The following PRSS12 variants were observed in gnomAD, a reference collection of about 807,000 sequenced individuals.
PRSS12 encodes serine protease 12.
A neutral mutation model predicts 104.4 loss-of-function variants in PRSS12; 85 were observed. The observed-to-expected ratio is 0.81, with a 90% CI of 0.68 to 0.98. The LOEUF is 0.98. PRSS12 is among the 50% of genes least tolerant of loss of function. The pLI is 0.00. For synonymous variants in PRSS12, 454 were observed against 425.2 expected, an observed-to-expected ratio of 1.07 and a Z score of -0.83; for missense variants, 1,141 against 1,139.2, an observed-to-expected ratio of 1.00 and a Z score of -0.02.
intron 3 of PRSS12, among the ~76,000 whole-genome samples, chr4:118,334,381 G>T (rs1035941759): frequency 6.6e-6 from 1 of 151,890 alleles, no homozygotes. Context: ...TATCAATCAG[G>T]TTGAGCATAG....
At chr4:118,295,265 G>A (rs1743229398) in intron 10 of PRSS12, among the ~76,000 whole-genome samples, 1 of 152,142 alleles carries the variant, frequency 6.6e-6, no homozygotes, top group African/African-American at 2.4e-5. Context: ...CAACTCTAAA[G>A]ATTTGCTTAT....
At chr4:118,341,799 T>A (rs748601471) in intron 1 of PRSS12, among the ~76,000 whole-genome samples, 4 of 152,172 alleles carry the variant, frequency 2.6e-5, no homozygotes, top group Admixed American at 6.5e-5. Flanking sequence ...ATCAACTATC[T>A]CCTAGTTCCC....
At chr4:118,352,155 G>A in intron 1 of PRSS12, 64 bp downstream of exon 1, 4 of 1,596,084 alleles carry the variant, frequency 2.5e-6, no homozygotes, top group South Asian at 1.1e-5. Context: ...CCTGTACGCC[G>A]GCCCCAAGCC....
At chr4:118,343,908 A>T (rs1463866375) in intron 1 of PRSS12, among the ~76,000 whole-genome samples, 1 of 152,358 alleles carries the variant, frequency 6.6e-6, no homozygotes, top group Admixed American at 6.5e-5. Flanking sequence ...AAATATTTTT[A>T]AAATCTTTTT....
intron 11 of PRSS12, among the ~76,000 whole-genome samples, chr4:118,289,271 C>T (rs113910092): frequency 0.021 from 3,209 of 152,232 alleles, 43 homozygotes; most frequent in South Asian, 0.034. Flanking sequence ...ATGGTAATAA[C>T]GATCTATGCC....
At chr4:118,299,765 T>A (rs200986257) in intron 8 of PRSS12, among the ~76,000 whole-genome samples, 6,573 of 76,774 alleles carry the variant, frequency 0.086, 517 homozygotes, top group African/African-American at 0.19. Context: ...TAAATAAAAT[T>A]AAATAAAATA....
At chr4:118,347,873 A>T (rs1724397348) in intron 1 of PRSS12, among the ~76,000 whole-genome samples, 1 of 152,178 alleles carries the variant, frequency 6.6e-6, no homozygotes, top group South Asian at 2.1e-4. Flanking sequence ...TGTTGGGGGA[A>T]ATCAGTTGCC....
chr4:118,335,709 A>C, intron 2 of PRSS12, 58 bp from the exon 3 acceptor site: 1 of 1,505,318 alleles, frequency 6.6e-7, no homozygotes, highest in Non-Finnish European at 9.2e-7. Context: ...TTTTTATCAA[A>C]ACATTTGGAT....
At chr4:118,320,064 T>C (rs1560777332) in intron 4 of PRSS12, among the ~76,000 whole-genome samples, 1 of 152,240 alleles carries the variant, frequency 6.6e-6, no homozygotes, top group Non-Finnish European at 1.5e-5. Context: ...CAATAGCATA[T>C]TCTTAGAACC....
At chr4:118,300,017 C>CT (rs558755369) in intron 8 of PRSS12, among the ~76,000 whole-genome samples, 4,974 of 142,758 alleles carry the variant, frequency 0.035, 246 homozygotes, top group African/African-American at 0.12. Context: ...TATTTATTTA[C>CT]TTTTTTTTTT....
At chr4:118,303,434 A>G (rs1743450798) in intron 8 of PRSS12, 1 of 152,186 alleles carries the variant, frequency 6.6e-6, no homozygotes, top group African/African-American at 2.4e-5. Context: ...ATAAGTAGAA[A>G]TTAGAGAACA....
intron 7 of PRSS12, among the ~76,000 whole-genome samples, chr4:118,311,401 A>C (rs1435281025): frequency 1.3e-5 from 2 of 152,190 alleles, no homozygotes; most frequent in Non-Finnish European, 2.9e-5. Context: ...AATAGCTGAA[A>C]ACAGCAGTAG....
intron 6 of PRSS12, among the ~76,000 whole-genome samples, chr4:118,314,419 G>A (rs1334440742): frequency 6.6e-6 from 1 of 151,902 alleles, no homozygotes; most frequent in East Asian, 1.9e-4. Context: ...CTATTTTGCT[G>A]ACTAATCAAC....
intron 7 of PRSS12, among the ~76,000 whole-genome samples, chr4:118,309,512 T>G (rs1743650349): frequency 6.6e-6 from 1 of 152,166 alleles, no homozygotes; most frequent in South Asian, 2.1e-4. Context: ...CACAGTTCTT[T>G]CTGAAGGAAC....
chr4:118,312,387 C>G (rs1743762585), intron 7 of PRSS12, among the ~76,000 whole-genome samples: 1 of 152,032 alleles, frequency 6.6e-6, no homozygotes, highest in Middle Eastern at 3.2e-3. Flanking sequence ...CACACACATA[C>G]ACATACACAC....
chr4:118,290,609 A>G (rs558865642), intron 11 of PRSS12, among the ~76,000 whole-genome samples: 1 of 152,190 alleles, frequency 6.6e-6, no homozygotes, highest in Non-Finnish European at 1.5e-5. Flanking sequence ...ATACTTTGAC[A>G]TACTTTGCAG....
intron 8 of PRSS12, among the ~76,000 whole-genome samples, chr4:118,301,468 A>G (rs2126029948): frequency 6.6e-6 from 1 of 152,306 alleles, no homozygotes; most frequent in South Asian, 2.1e-4. Context: ...TGCCAGTACC[A>G]CATGGACTGG....
intron 8 of PRSS12, among the ~76,000 whole-genome samples, chr4:118,304,843 C>G (rs1743501530): frequency 6.6e-6 from 1 of 152,008 alleles, no homozygotes; most frequent in Non-Finnish European, 1.5e-5. Flanking sequence ...TATCTCATTT[C>G]TGTCTTTCCC....
At chr4:118,337,360 A>G (rs1006015285) in intron 2 of PRSS12, among the ~76,000 whole-genome samples, 2 of 152,234 alleles carry the variant, frequency 1.3e-5, no homozygotes, top group Non-Finnish European at 2.9e-5. Flanking sequence ...AGAAAATATA[A>G]AGGAGACACA....
Sources: allele counts gnomAD v4.1 joint callset (sites outside exome capture counted in the v4.1 genomes callset), GRCh38; gene constraint gnomAD v4.1.1; transcripts MANE v1.5; gene names NCBI Gene and HGNC (gene_info 2026-07-23, HGNC 2026-07-21).